GPHN: variants seen among roughly 807,000 people sequenced by gnomAD.
The protein encoded by GPHN is gephyrin.
A neutral mutation model predicts 95.5 loss-of-function variants in GPHN; 17 were observed. The ratio of observed to expected loss-of-function variants is 0.18; its 90% CI spans 0.12 to 0.27. The LOEUF is 0.27. GPHN is among the 10% of genes least tolerant of loss of function. The pLI is 1.00. For synonymous variants in GPHN, 320 were observed against 322.5 expected, an observed-to-expected ratio of 0.99 and a Z score of 0.08; for missense variants, 660 against 978.1, an observed-to-expected ratio of 0.67 and a Z score of 4.34.
At chr14:66,878,178 A>G (rs186831379) in intron 4 of GPHN, among the ~76,000 whole-genome samples, 1 of 152,330 alleles carries the variant, frequency 6.6e-6, no homozygotes, top group East Asian at 1.9e-4. Context: ...CCATATGCAG[A>G]AAACTGAAAC....
chr14:67,191,594 C>A, the GPHN span, among the ~76,000 whole-genome samples: 2 of 152,110 alleles, frequency 1.3e-5, no homozygotes, highest in African/African-American at 4.8e-5. Context: ...AAAATAAAGG[C>A]ACCCCACCCC....
At chr14:67,645,597 T>C in the GPHN span, 2 of 1,587,982 alleles carry the variant, frequency 1.3e-6, no homozygotes, top group Admixed American at 1.7e-5. Context: ...TTATCGGTCA[T>C]GTTTGCCAAG....
At chr14:66,893,835 T>A (rs2064666889) in intron 5 of GPHN, among the ~76,000 whole-genome samples, 1 of 152,144 alleles carries the variant, frequency 6.6e-6, no homozygotes, top group Non-Finnish European at 1.5e-5. Context: ...CAAGGAGAAC[T>A]ACAAATTACT....
chr14:67,152,044 G>T (rs935072346), intron 18 of GPHN, among the ~76,000 whole-genome samples: 3 of 152,012 alleles, frequency 2.0e-5, no homozygotes, highest in Admixed American at 1.3e-4. Context: ...GGAGCCTCTG[G>T]AATTGTTAAA....
At chr14:67,460,907 A>C in the GPHN span, among the ~76,000 whole-genome samples, 1 of 152,226 alleles carries the variant, frequency 6.6e-6, no homozygotes, top group African/African-American at 2.4e-5. Context: ...TCCTGTATAA[A>C]GCATTTTAGA....
chr14:66,601,627 A>G (rs1279420674), intron 1 of GPHN, among the ~76,000 whole-genome samples: 1 of 151,960 alleles, frequency 6.6e-6, no homozygotes, highest in Non-Finnish European at 1.5e-5. Context: ...TTAAAGATGA[A>G]CAAGGCAATG....
At chr14:67,070,780 G>T (rs1157435512) in intron 11 of GPHN, among the ~76,000 whole-genome samples, 3 of 145,200 alleles carry the variant, frequency 2.1e-5, no homozygotes, top group South Asian at 4.4e-4. Context: ...CCCCAGTACT[G>T]TGGGTCCCAC....
intron 9 of GPHN, among the ~76,000 whole-genome samples, chr14:66,973,927 A>G (rs1386684533): frequency 6.6e-6 from 1 of 152,264 alleles, no homozygotes; most frequent in East Asian, 1.9e-4. Context: ...AGTCAGATCA[A>G]CATTGCTGGC....
At chr14:67,199,475 G>T in the GPHN span, 2 of 1,612,872 alleles carry the variant, frequency 1.2e-6, no homozygotes, top group Admixed American at 3.3e-5. Context: ...CCCTGACACA[G>T]GCAACTCCAA....
At chr14:67,359,023 G>C in the GPHN span, among the ~76,000 whole-genome samples, 2 of 152,174 alleles carry the variant, frequency 1.3e-5, no homozygotes, top group Non-Finnish European at 2.9e-5. Flanking sequence ...CGTGATGACC[G>C]GTATTAACAC....
the GPHN span, among the ~76,000 whole-genome samples, chr14:67,411,771 C>T: frequency 6.6e-6 from 1 of 152,234 alleles, no homozygotes; most frequent in African/African-American, 2.4e-5. Flanking sequence ...ACCCCTGCCC[C>T]GACTCCATAC....
chr14:66,613,237 G>A (rs182735513), intron 1 of GPHN, among the ~76,000 whole-genome samples: 43 of 152,060 alleles, frequency 2.8e-4, no homozygotes, highest in African/African-American at 8.7e-4. Flanking sequence ...ACTATATATT[G>A]TTGTTTCATT....
At chr14:66,865,250 T>A (rs2063181408) in intron 4 of GPHN, among the ~76,000 whole-genome samples, 1 of 151,850 alleles carries the variant, frequency 6.6e-6, no homozygotes, top group South Asian at 2.1e-4. Flanking sequence ...AAAATATAAT[T>A]GGATTGACTA....
At chr14:66,788,571 G>A (rs1202460904) in intron 3 of GPHN, among the ~76,000 whole-genome samples, 1 of 152,170 alleles carries the variant, frequency 6.6e-6, no homozygotes, top group Non-Finnish European at 1.5e-5. Flanking sequence ...ATTGCATCCT[G>A]TATGATTTGT....
At chr14:67,377,274 G>C in the GPHN span, among the ~76,000 whole-genome samples, 1 of 152,150 alleles carries the variant, frequency 6.6e-6, no homozygotes, top group East Asian at 1.9e-4. Flanking sequence ...CTCTGTACTT[G>C]TAGACTGCTG....
At chr14:67,162,682 A>G (rs988010842) in intron 19 of GPHN, among the ~76,000 whole-genome samples, 3 of 152,240 alleles carry the variant, frequency 2.0e-5, no homozygotes, top group Admixed American at 6.5e-5. Flanking sequence ...ATAAATCAGT[A>G]TCAAAATCGA....
chr14:66,668,457 G>A (rs2066097942), intron 1 of GPHN, among the ~76,000 whole-genome samples: 2 of 152,204 alleles, frequency 1.3e-5, no homozygotes, highest in South Asian at 4.1e-4. Flanking sequence ...AGCCACAAAA[G>A]AGAATGAAGA....
At chr14:66,508,764 C>T (rs1000525928) in intron 1 of GPHN, among the ~76,000 whole-genome samples, 173 bp downstream of exon 1, 7 of 152,150 alleles carry the variant, frequency 4.6e-5, no homozygotes, top group African/African-American at 1.4e-4. Context: ...GGGGTGTTCC[C>T]GCGGGTCCCC....
intron 3 of GPHN, among the ~76,000 whole-genome samples, chr14:66,799,388 C>T (rs944393954): frequency 6.6e-6 from 1 of 151,924 alleles, no homozygotes; most frequent in Non-Finnish European, 1.5e-5. Flanking sequence ...CCTGGAAGAT[C>T]TTTCCAATGC....
Sources: gnomAD v4.1 joint callset for allele counts (sites outside exome capture counted in the v4.1 genomes callset) on GRCh38, gnomAD v4.1.1 for gene constraint, MANE v1.5 for transcripts, NCBI Gene and HGNC (gene_info 2026-07-23, HGNC 2026-07-21) for gene names.